DNAJB6: variants seen among roughly 807,000 people sequenced by gnomAD.
DNAJB6 encodes the protein DnaJ heat shock protein family (Hsp40) member B6, also known as dnaJ homolog subfamily B member 6.
In DNAJB6, 16 loss-of-function variants were observed where a neutral mutation model predicts 42.7. That is an observed-to-expected ratio of 0.37 (90% confidence interval 0.25 to 0.57). DNAJB6 has a LOEUF of 0.57. Ranked by LOEUF, DNAJB6 falls within the 20% of genes least tolerant of loss-of-function variation. The pLI is 0.74. For missense variants in DNAJB6, 347 were observed against 416.8 expected, an observed-to-expected ratio of 0.83 and a Z score of 1.46; for synonymous variants, 170 against 163.5, an observed-to-expected ratio of 1.04 and a Z score of -0.30.
chr7:157,347,214 T>C (rs1163084600), intron 1 of DNAJB6, among the ~76,000 whole-genome samples: 1 of 152,222 alleles, frequency 6.6e-6, no homozygotes, highest in Non-Finnish European at 1.5e-5. Flanking sequence ...TATTCTAAAT[T>C]TGTTAGTCTT....
At chr7:157,362,408 C>A (rs1201541359) in intron 2 of DNAJB6, among the ~76,000 whole-genome samples, 1 of 152,092 alleles carries the variant, frequency 6.6e-6, no homozygotes, top group African/African-American at 2.4e-5. Context: ...GAGTTTCGCT[C>A]TTGTTGCCCA....
In DNAJB6 at chr7:157,395,754, G is replaced by A. The variant is rs1287351083; in HGVS notation, c.691+10143G>A. On this transcript the variant is annotated intron_variant, in intron 8 of 9. Transcript: ENST00000262177. Reference sequence around the variant, plus strand: ...GGCTGGAGTACAGTGGGGCGATCTCGGCTCACTGCAACCTCTGCCTCCCTA... The same window carrying A: ...GGCTGGAGTACAGTGGGGCGATCTCAGCTCACTGCAACCTCTGCCTCCCTA... Among the ~76,000 whole-genome samples, 5 of 146,380 alleles carry A rather than the reference G, an allele frequency of 3.4e-5. No homozygotes were observed. In the South Asian group the frequency reaches 6.4e-4, roughly 19 times the overall value.
chr7:157,354,118 A>G (rs1349599173), intron 1 of DNAJB6, among the ~76,000 whole-genome samples: 1 of 151,966 alleles, frequency 6.6e-6, no homozygotes, highest in Non-Finnish European at 1.5e-5. Flanking sequence ...TGTTGTGATA[A>G]TAATCTACAC....
At chr7:157,387,209 A>C (rs186518546) in intron 8 of DNAJB6, among the ~76,000 whole-genome samples, 1 of 149,014 alleles carries the variant, frequency 6.7e-6, no homozygotes, top group Admixed American at 6.6e-5. Flanking sequence ...ATTTCATAGG[A>C]GCTCAAAAAA....
At chr7:157,373,934 C>G (rs1207393005) in intron 5 of DNAJB6, among the ~76,000 whole-genome samples, 1 of 152,120 alleles carries the variant, frequency 6.6e-6, no homozygotes, top group East Asian at 1.9e-4. Flanking sequence ...GTAATGCCAG[C>G]TACTGGGGAG....
chr7:157,358,392 C>T (rs956612382), intron 1 of DNAJB6, among the ~76,000 whole-genome samples, 155 bp from the exon 2 acceptor site: 6 of 152,144 alleles, frequency 3.9e-5, no homozygotes, highest in Non-Finnish European at 7.3e-5. Context: ...GGTCTTGGCC[C>T]AGCAGGCTAG....
intron 5 of DNAJB6, among the ~76,000 whole-genome samples, chr7:157,368,016 C>T (rs551172041): frequency 1.3e-4 from 20 of 152,190 alleles, no homozygotes; most frequent in Middle Eastern, 3.4e-3. Context: ...GTGGTCCCAG[C>T]TACTTGGGAG....
intron 1 of DNAJB6, among the ~76,000 whole-genome samples, chr7:157,356,118 T>C (rs1799262934): frequency 6.6e-6 from 1 of 152,226 alleles, no homozygotes; most frequent in South Asian, 2.1e-4. Context: ...GAGGGGATGA[T>C]CCAGATGTCT....
chr7:157,388,483 G>A (rs192230602), intron 8 of DNAJB6, among the ~76,000 whole-genome samples: 1 of 152,296 alleles, frequency 6.6e-6, no homozygotes, highest in East Asian at 1.9e-4. Context: ...GCTCCTTAAC[G>A]GCACGTATCT....
chr7:157,395,512 G>A (rs1801542443), intron 8 of DNAJB6, among the ~76,000 whole-genome samples: 1 of 152,166 alleles, frequency 6.6e-6, no homozygotes. Context: ...GGTGGTGTAT[G>A]CCTTCTTATG....
At position 157,353,955 on chromosome 7, in the gene DNAJB6, C is replaced by T. The variant is rs568630962; in HGVS notation, c.-26-4592C>T. Among the ~76,000 whole-genome samples the T allele has an allele frequency of 7.3e-5, 11 of 151,508 alleles. No individual in the cohort carries two copies. In the South Asian group the frequency reaches 2.1e-3, roughly 29 times the overall value. ...CTGGAATTATAGGAGTGAGCCACTG[C>T]GCCTGGCCTGAGTCTGTGATTTTGG... On this transcript the variant is annotated intron_variant, in intron 1 of 9. Coordinates refer to ENST00000262177, the MANE Select transcript of DNAJB6 (RefSeq NM_058246.4).
At chr7:157,355,958 C>A (rs548474530) in intron 1 of DNAJB6, among the ~76,000 whole-genome samples, 1 of 152,354 alleles carries the variant, frequency 6.6e-6, no homozygotes, top group South Asian at 2.1e-4. Context: ...GTGCTCACTG[C>A]CTCGGGAGGT....
chr7:157,398,856 T>C (rs1387900639), intron 8 of DNAJB6, among the ~76,000 whole-genome samples: 3 of 152,266 alleles, frequency 2.0e-5, no homozygotes, highest in Non-Finnish European at 4.4e-5. Flanking sequence ...AAGTGACTTG[T>C]TTTTTCTACA....
In DNAJB6 at chr7:157,385,554, G is replaced by C; in HGVS notation, c.634G>C (p.Gly212Arg). 1.2e-6 allele frequency: 2 copies of C among 1,613,452 alleles called. No homozygotes were observed. The highest frequency in any genetic ancestry group is 1.7e-6 in the Non-Finnish European group (2 of 1,179,736). The change falls in exon 8 of 10, where the codon GGT becomes CGT. Residue 212 changes from glycine to arginine, a missense_variant. Gly to Arg is a moderately radical substitution (Grantham distance 125, BLOSUM62 -2). Around this residue, in one of 3 missense-constraint regions of DNAJB6, gnomAD observed 264 missense variants for 288.0 expected, o/e 0.92. Transcript: ENST00000262177. The stretch of plus-strand genomic sequence containing the variant: ...TTTTTCCTACAGAATTGTCGAGAAC[G>C]GTCAAGAAAGAGTAGAAGTTGAAGA... ...KITTKRIVEN[G>R]QERVEVEEDG...
chr7:157,387,868 CG>C (rs1801151891), intron 8 of DNAJB6, among the ~76,000 whole-genome samples: 1 of 151,886 alleles, frequency 6.6e-6, no homozygotes, highest in African/African-American at 2.4e-5. Flanking sequence ...TTTTTTGAGA[CG>C]GAGTCTTGCT....
At chr7:157,360,135 C>G (rs537166699) in intron 2 of DNAJB6, among the ~76,000 whole-genome samples, 108 of 152,328 alleles carry the variant, frequency 7.1e-4, no homozygotes, top group African/African-American at 2.5e-3. Context: ...GTACCTGAGA[C>G]TGGGAAGAAA....
intron 1 of DNAJB6, among the ~76,000 whole-genome samples, chr7:157,339,319 A>G (rs1798221222): frequency 4.4e-5 from 4 of 91,098 alleles, no homozygotes; most frequent in African/African-American, 1.3e-4. Context: ...TTTGAGACGG[A>G]GTCTTGCTCT....
At chr7:157,355,440 G>A (rs146654289) in intron 1 of DNAJB6, among the ~76,000 whole-genome samples, 5,679 of 152,296 alleles carry the variant, frequency 0.037, 391 homozygotes, top group African/African-American at 0.13. Context: ...GATTACAGGC[G>A]TGAGCCACCG....
chr7:157,399,421 G>A (rs1414646313), intron 8 of DNAJB6, among the ~76,000 whole-genome samples: 1 of 152,226 alleles, frequency 6.6e-6, no homozygotes, highest in Non-Finnish European at 1.5e-5. Context: ...CGCAGGGGTT[G>A]CGTAAGGTTA....
Sources: allele counts gnomAD v4.1 joint callset (sites outside exome capture counted in the v4.1 genomes callset), GRCh38; gene constraint gnomAD v4.1.1; regional missense constraint gnomAD v4.1.1; transcripts MANE v1.5; gene names NCBI Gene and HGNC (gene_info 2026-07-23, HGNC 2026-07-21).